Variants in SLC35F3 observed in about 807,000 individuals in gnomAD.
SLC35F3 encodes putative thiamine transporter SLC35F3.
SLC35F3 carries 25 observed loss-of-function variants against 49.9 expected under a neutral mutation model. The observed-to-expected ratio is 0.50, with a 90% confidence interval of 0.37 to 0.70. The LOEUF (loss-of-function observed/expected upper bound fraction) is 0.70, where lower values mean the gene tolerates loss of function less well. Ranked by LOEUF, SLC35F3 falls within the 30% of genes least tolerant of loss-of-function variation. The pLI is 0.00. For missense variants in SLC35F3, 525 were observed against 639.8 expected (o/e 0.82, Z 1.94); for synonymous variants, 275 against 265.4 (o/e 1.04, Z -0.35).
At chr1:234,202,914 G>T (rs556218418) in intron 2 of SLC35F3, among the ~76,000 whole-genome samples, 72 of 152,318 alleles carry the variant, frequency 4.7e-4, no homozygotes, top group Non-Finnish European at 4.1e-4. Flanking sequence ...GGAACTAACT[G>T]CTCCTTGCTG....
chr1:234,311,879 G>C (rs1326373437), intron 4 of SLC35F3, among the ~76,000 whole-genome samples: 1 of 152,206 alleles, frequency 6.6e-6, no homozygotes, highest in Non-Finnish European at 1.5e-5. Context: ...AAGCTGTTTG[G>C]ACCTTGAGCA....
intron 3 of SLC35F3, among the ~76,000 whole-genome samples, chr1:234,294,211 C>T (rs1354114239): frequency 6.6e-6 from 1 of 152,212 alleles, no homozygotes; most frequent in African/African-American, 2.4e-5. Context: ...TTTCCTGCAA[C>T]ACCCAGGGAG....
At chr1:233,925,752 T>C (rs1451720591) in intron 2 of SLC35F3, among the ~76,000 whole-genome samples, 3 of 152,228 alleles carry the variant, frequency 2.0e-5, no homozygotes, top group Non-Finnish European at 4.4e-5. Context: ...ATTTGGCATG[T>C]TTTTACAGTG....
rs187508536 is a variant in SLC35F3, at chr1:234,205,211, G to T, written c.284-26206G>T. Among the ~76,000 whole-genome samples the T allele has an allele frequency of 2.6e-5, 4 of 152,272 alleles. No homozygotes were observed. In the East Asian group the frequency reaches 7.7e-4, roughly 29 times the overall value. ...GTGAGTTCCCAGGACAGTTCTAGTG[G>T]ACTTGGGTGGGCCGCACTCTGAGGT... On this transcript the variant is annotated intron_variant, in intron 2 of 7. Coordinates refer to ENST00000366618, the MANE Select transcript of SLC35F3 (RefSeq NM_173508.4).
At chr1:233,926,239 G>A (rs1662158239) in intron 2 of SLC35F3, among the ~76,000 whole-genome samples, 1 of 152,148 alleles carries the variant, frequency 6.6e-6, no homozygotes, top group African/African-American at 2.4e-5. Flanking sequence ...TTCCAACTCG[G>A]TTCCATTCTC....
chr1:233,967,384 T>A (rs2102815248), intron 2 of SLC35F3, among the ~76,000 whole-genome samples: 1 of 152,352 alleles, frequency 6.6e-6, no homozygotes, highest in Admixed American at 6.5e-5. Context: ...CCTTATTAGA[T>A]AAGAATTAAT....
intron 5 of SLC35F3, among the ~76,000 whole-genome samples, chr1:234,317,260 T>C (rs1393237954): frequency 6.6e-6 from 1 of 152,180 alleles, no homozygotes; most frequent in Non-Finnish European, 1.5e-5. Context: ...TTTGATGAAA[T>C]GTTGGGAACC....
intron 2 of SLC35F3, among the ~76,000 whole-genome samples, chr1:234,015,607 A>G (rs1341196425): frequency 6.6e-6 from 1 of 152,194 alleles, no homozygotes; most frequent in Non-Finnish European, 1.5e-5. Context: ...GGATATCTAC[A>G]TGCAGAAGAA....
chr1:234,030,898 TTAG>T (rs1443245978), intron 2 of SLC35F3, among the ~76,000 whole-genome samples: 2 of 152,164 alleles, frequency 1.3e-5, no homozygotes, highest in Non-Finnish European at 2.9e-5. Context: ...TGTGCCACTT[TTAG>T]GTCTCAGCTC....
chr1:233,913,193 C>T (rs976566792), intron 2 of SLC35F3, among the ~76,000 whole-genome samples: 1 of 152,186 alleles, frequency 6.6e-6, no homozygotes, highest in Non-Finnish European at 1.5e-5. Context: ...AAAGGGACAA[C>T]ATATGCACGG....
chr1:234,188,232 C>T (rs1315431066), intron 2 of SLC35F3, among the ~76,000 whole-genome samples: 1 of 142,442 alleles, frequency 7.0e-6, no homozygotes, highest in African/African-American at 3.0e-5. Flanking sequence ...AGCGAAACTC[C>T]GCCTCAAAAA....
chr1:234,125,876 A>G (rs1454270704), intron 2 of SLC35F3, among the ~76,000 whole-genome samples: 1 of 152,148 alleles, frequency 6.6e-6, no homozygotes, highest in East Asian at 1.9e-4. Flanking sequence ...CTAGTGACTC[A>G]GAACCACTTA....
At chr1:234,270,702 T>C (rs534726221) in intron 3 of SLC35F3, among the ~76,000 whole-genome samples, 1 of 152,300 alleles carries the variant, frequency 6.6e-6, no homozygotes, top group Admixed American at 6.5e-5. Flanking sequence ...TAAGCTGAGA[T>C]GAGAGCAAAG....
Position 234,121,428 on chromosome 1 carries a change from A to G in SLC35F3, c.284-109989A>G, listed in dbSNP as rs542922689. ...GCTGGGATTACAGGCATGAGCCACC[A>G]CGCCCAGCCGAAAAATTACTTTCTT... On this transcript the variant is annotated intron_variant, in intron 2 of 7. Transcript: ENST00000366618. 7.2e-5 allele frequency among the ~76,000 whole-genome samples: 11 copies of G among 152,096 alleles called. No individual in the cohort carries two copies. The East Asian group carries it at 1.9e-3, about 27-fold the overall frequency.
chr1:234,047,526 T>C (rs1664308954), intron 2 of SLC35F3, among the ~76,000 whole-genome samples: 1 of 152,220 alleles, frequency 6.6e-6, no homozygotes, highest in Admixed American at 6.5e-5. Flanking sequence ...AATTGAATCA[T>C]TGGTTCTTCC....
chr1:233,914,515 C>A (rs1661937225), intron 2 of SLC35F3, among the ~76,000 whole-genome samples: 1 of 152,212 alleles, frequency 6.6e-6, no homozygotes, highest in African/African-American at 2.4e-5. Context: ...TTGTGTGCAA[C>A]TACAGGCTCC....
intron 3 of SLC35F3, among the ~76,000 whole-genome samples, chr1:234,236,283 A>G (rs957236756): frequency 2.0e-5 from 3 of 152,068 alleles, no homozygotes; most frequent in South Asian, 4.1e-4. Flanking sequence ...TCTACTAAAA[A>G]TACTAAAAAT....
At chr1:234,086,389 A>G (rs1361206792) in intron 2 of SLC35F3, among the ~76,000 whole-genome samples, 2 of 152,250 alleles carry the variant, frequency 1.3e-5, no homozygotes, top group Non-Finnish European at 2.9e-5. Flanking sequence ...TCCATAGCCA[A>G]CTGGGAGTTA....
chr1:234,270,207 G>A (rs1003140682), intron 3 of SLC35F3, among the ~76,000 whole-genome samples: 2 of 151,966 alleles, frequency 1.3e-5, no homozygotes, highest in Non-Finnish European at 2.9e-5. Flanking sequence ...TTTTGTTTTC[G>A]TTCATTTTGG....
Sources: allele counts gnomAD v4.1 joint callset (sites outside exome capture counted in the v4.1 genomes callset), GRCh38; gene constraint gnomAD v4.1.1; transcripts MANE v1.5; gene names NCBI Gene and HGNC (gene_info 2026-07-23, HGNC 2026-07-21).